The following RASEF variants were observed in gnomAD, a reference collection of about 807,000 sequenced individuals.
The protein encoded by RASEF is RAS and EF-hand domain containing.
RASEF carries 68 observed loss-of-function variants against 90.1 expected under a neutral mutation model. That is an observed-to-expected ratio of 0.75 (90% CI 0.62 to 0.92). RASEF has a LOEUF of 0.92. Ranked by LOEUF, RASEF falls within the 40% of genes least tolerant of loss-of-function variation. RASEF has a pLI of 0.00. For missense variants in RASEF, 949 were observed against 937.2 expected (o/e 1.01, Z -0.16); for synonymous variants, 331 against 345.2 (o/e 0.96, Z 0.46).
chr9:83,132,771 G>C, the RASEF span, among the ~76,000 whole-genome samples: 4 of 152,092 alleles, frequency 2.6e-5, no homozygotes, highest in African/African-American at 9.7e-5. Flanking sequence ...GAAAATGCTG[G>C]GCTAAATTAA....
chr9:83,215,840 G>T, the RASEF span, among the ~76,000 whole-genome samples: 19 of 152,276 alleles, frequency 1.2e-4, no homozygotes, highest in South Asian at 1.2e-3. Context: ...AAGACAGGAA[G>T]ATATGGGAAA....
At chr9:83,054,611 G>A (rs1469583777) in intron 1 of RASEF, 3 of 150,236 alleles carry the variant, frequency 2.0e-5, no homozygotes, top group African/African-American at 5.0e-5. Context: ...TTTGGAGGAG[G>A]AGAGGTGCTC....
chr9:83,138,785 A>G, the RASEF span, among the ~76,000 whole-genome samples: 3 of 152,168 alleles, frequency 2.0e-5, no homozygotes, highest in Non-Finnish European at 4.4e-5. Context: ...CCTGCTATAA[A>G]CAAACCCCAC....
chr9:83,213,637 G>C, the RASEF span, among the ~76,000 whole-genome samples: 1 of 151,980 alleles, frequency 6.6e-6, no homozygotes, highest in Non-Finnish European at 1.5e-5. Context: ...AAAGCTTCAG[G>C]ATTCTCTAAG....
chr9:83,093,822 C>G, the RASEF span, among the ~76,000 whole-genome samples: 2 of 152,192 alleles, frequency 1.3e-5, no homozygotes, highest in African/African-American at 4.8e-5. Flanking sequence ...GAGGAGGCGC[C>G]GAGAGCGAGC....
At chr9:83,218,036 C>A in the RASEF span, among the ~76,000 whole-genome samples, 16 of 152,126 alleles carry the variant, frequency 1.1e-4, no homozygotes, top group Admixed American at 9.8e-4. Context: ...CTTCATAAAA[C>A]ACATGTGGTT....
the RASEF span, among the ~76,000 whole-genome samples, chr9:83,143,854 C>T: frequency 6.6e-6 from 1 of 152,102 alleles, no homozygotes; most frequent in Admixed American, 6.5e-5. Flanking sequence ...GATACATATG[C>T]TCATATGTTC....
intron 16 of RASEF, among the ~76,000 whole-genome samples, chr9:82,985,171 T>G (rs1828688360): frequency 6.6e-6 from 1 of 152,164 alleles, no homozygotes; most frequent in Non-Finnish European, 1.5e-5. Flanking sequence ...TTCACGCTGC[T>G]GATAAAAACA....
intron 1 of RASEF, among the ~76,000 whole-genome samples, chr9:83,049,552 T>TTTTTA (rs869188001): frequency 6.4e-5 from 9 of 139,594 alleles, no homozygotes; most frequent in South Asian, 4.5e-4. Flanking sequence ...TTTTTTTTTT[T>TTTTTA]ATTATACTCT....
chr9:83,006,202 A>G (rs1829127536), intron 7 of RASEF, among the ~76,000 whole-genome samples: 1 of 152,184 alleles, frequency 6.6e-6, no homozygotes, highest in African/African-American at 2.4e-5. Flanking sequence ...ACCTTCTTTG[A>G]TAGGCCAATG....
At chr9:83,017,413 T>A (rs996646987) in intron 3 of RASEF, among the ~76,000 whole-genome samples, 6 of 149,990 alleles carry the variant, frequency 4.0e-5, no homozygotes, top group Admixed American at 3.3e-4. Flanking sequence ...GGCAGGAGAA[T>A]GGCGTGAACC....
At chr9:83,006,846 C>T (rs1232156797) in intron 7 of RASEF, among the ~76,000 whole-genome samples, 1 of 152,138 alleles carries the variant, frequency 6.6e-6, no homozygotes, top group Non-Finnish European at 1.5e-5. Flanking sequence ...GTCATCCCAG[C>T]ACTTTGGGAG....
the RASEF span, among the ~76,000 whole-genome samples, chr9:83,154,709 T>C: frequency 6.6e-6 from 1 of 152,208 alleles, no homozygotes; most frequent in East Asian, 1.9e-4. Flanking sequence ...CACAATCCAA[T>C]TTTTCTAAAG....
chr9:83,158,557 T>C, the RASEF span, among the ~76,000 whole-genome samples: 6 of 148,334 alleles, frequency 4.0e-5, no homozygotes, highest in South Asian at 2.1e-4. Flanking sequence ...CACACACACA[T>C]ATATACATAT....
intron 1 of RASEF, among the ~76,000 whole-genome samples, 195 bp downstream of exon 1, chr9:83,062,242 A>G (rs1325277602): frequency 1.3e-5 from 2 of 152,154 alleles, no homozygotes; most frequent in Non-Finnish European, 2.9e-5. Flanking sequence ...TTTCTCCCCA[A>G]ACGCTGACTC....
At chr9:83,079,402 T>C in the RASEF span, among the ~76,000 whole-genome samples, 1 of 152,234 alleles carries the variant, frequency 6.6e-6, no homozygotes, top group Admixed American at 6.5e-5. Context: ...CATTGGTCTA[T>C]GTGCCTGTTT....
At chr9:83,208,795 C>T in the RASEF span, among the ~76,000 whole-genome samples, 3 of 152,146 alleles carry the variant, frequency 2.0e-5, no homozygotes, top group Non-Finnish European at 1.5e-5. Flanking sequence ...TATGAATATC[C>T]ATTTGGGTAC....
chr9:83,089,892 T>TA, the RASEF span, among the ~76,000 whole-genome samples: 1,701 of 145,062 alleles, frequency 0.012, 33 homozygotes, highest in African/African-American at 0.042. Flanking sequence ...TATAGATAGA[T>TA]GATAGATAGA....
chr9:82,988,393 C>CA (rs1224290995), intron 16 of RASEF, among the ~76,000 whole-genome samples: 2 of 151,930 alleles, frequency 1.3e-5, no homozygotes, highest in Admixed American at 1.3e-4. Flanking sequence ...AACAAACATA[C>CA]AAAAAAACAC....
Sources: allele counts gnomAD v4.1 joint callset (sites outside exome capture counted in the v4.1 genomes callset), GRCh38; gene constraint gnomAD v4.1.1; transcripts MANE v1.5; gene names NCBI Gene and HGNC (gene_info 2026-07-23, HGNC 2026-07-21).